Variants in UBR4 observed in about 807,000 individuals in gnomAD.
The protein encoded by UBR4 is E3 ubiquitin-protein ligase UBR4.
In UBR4, 124 loss-of-function variants were observed where a neutral mutation model predicts 575.6. The observed-to-expected ratio is 0.22, with a 90% CI of 0.19 to 0.25. The LOEUF (loss-of-function observed/expected upper bound fraction) is 0.25. Ranked by LOEUF, UBR4 falls within the 10% of genes least tolerant of loss-of-function variation. The probability of loss-of-function intolerance (pLI) is 1.00; values close to 1 mark genes in which losing one functional copy is unlikely to be tolerated. For missense variants in UBR4, 4,818 were observed against 6,478.8 expected (o/e 0.74, Z 8.80); for synonymous variants, 2,455 against 2,473.7 (o/e 0.99, Z 0.22).
In UBR4 at chr1:19,148,134, C is replaced by A. The variant is rs200274531; in HGVS notation, c.7495-7G>T. 60 of 1,601,276 alleles carry A rather than the reference C, an allele frequency of 3.7e-5. No homozygotes were observed. In the Middle Eastern group the frequency reaches 5.0e-4, roughly 13 times the overall value. The stretch of plus-strand genomic sequence containing the variant: ...CAGCATTCTTGTTTCTCTCCTAAGG[C>A]AAAAGACAGCAGGGTTATCACTAAC... On this transcript the variant is annotated splice_polypyrimidine_tract_variant and splice_region_variant and intron_variant, in intron 50 of 105. Coordinates refer to ENST00000375254, the MANE Select transcript of UBR4 (RefSeq NM_020765.3).
chr1:19,126,491 G>T lies in UBR4; in HGVS notation c.9393C>A (p.Ser3131=), dbSNP rs533746607. 1 of 1,614,078 alleles carries T rather than the reference G, an allele frequency of 6.2e-7. No homozygotes were observed. The highest frequency in any genetic ancestry group is 8.5e-7 in the Non-Finnish European group (1 of 1,180,034). The change falls in exon 64 of 106, where the codon TCC becomes TCA. Residue 3131 remains serine (S), a synonymous_variant. Transcript: ENST00000375254. ...AGAATGGGCTCATGTCAGGTGGGGA[G>T]GAGGTAGTATGTGGTTTCAGCAACT... The part of the protein sequence containing the change: ...TSQLLKPHTT[S]SPPDMSPFFL...
intron 69 of UBR4, 113 bp downstream of exon 69, chr1:19,120,067 G>A (rs1442097859): frequency 1.6e-6 from 2 of 1,267,742 alleles, no homozygotes; most frequent in African/African-American, 1.5e-5. Flanking sequence ...GAGGATTCAG[G>A]CTGGCGTAAC....
At chr1:19,161,463 A>C in intron 37 of UBR4, 126 bp downstream of exon 37, 1 of 1,308,370 alleles carries the variant, frequency 7.6e-7, no homozygotes, top group African/African-American at 1.5e-5. Flanking sequence ...CAGATCATCG[A>C]TGAGTGAGCT....
At chr1:19,135,778 G>A (rs1465744871) in intron 60 of UBR4, among the ~76,000 whole-genome samples, 1 of 151,928 alleles carries the variant, frequency 6.6e-6, no homozygotes, top group African/African-American at 2.4e-5. Context: ...CAGAAAATAA[G>A]ACAAAAAGAA....
rs975506387 is a variant in UBR4 at position 19,192,595 on chromosome 1, A to T, written c.1144-55T>A. On this transcript the variant is annotated intron_variant, in intron 9 of 105. Transcript: ENST00000375254. The stretch of plus-strand genomic sequence containing the variant: ...TGAACAAGCTGACAGATTTCATCAT[A>T]AATGCTAAATCCTACCCAAACAATT... 5.7e-6 allele frequency: 9 copies of T among 1,592,050 alleles called. No individual in the cohort carries two copies. The Admixed American group carries it at 1.0e-4, about 18-fold the overall frequency.
At position 19,117,462 on chromosome 1, in the gene UBR4, T is replaced by C. The variant is rs1393281402; in HGVS notation, c.10630-48A>G. On this transcript the variant is annotated intron_variant, in intron 72 of 105. Coordinates refer to ENST00000375254, the MANE Select transcript of UBR4 (RefSeq NM_020765.3). The surrounding 1 kb of genome is among the most constrained non-coding windows in gnomAD (Gnocchi z 4.0). The stretch of plus-strand genomic sequence containing the variant: ...CATGGTATTAGTTCAAGACTCGTAC[T>C]GCCTTTTTAAAAATTCATCAGTGTA... 2 of 1,584,748 alleles carry C rather than the reference T, an allele frequency of 1.3e-6. No homozygotes were observed. The highest frequency in any genetic ancestry group is 2.7e-5 in the African/African-American group (2 of 74,140).
At chr1:19,162,733 AAC>A in intron 34 of UBR4, 122 bp from the exon 35 acceptor site, 3 of 1,226,742 alleles carry the variant, frequency 2.4e-6, no homozygotes, top group Non-Finnish European at 3.3e-6. Flanking sequence ...AGAGAAGAAA[AAC>A]AGTGTGTTTT....
intron 1 of UBR4, among the ~76,000 whole-genome samples, chr1:19,204,766 T>C (rs1423207903): frequency 6.6e-6 from 1 of 151,902 alleles, no homozygotes; most frequent in South Asian, 2.1e-4. Context: ...CTGGGAAAAA[T>C]TGGTTTTGAA....
chr1:19,209,989 G>A, intron 1 of UBR4, 84 bp downstream of exon 1: 2 of 1,402,134 alleles, frequency 1.4e-6, no homozygotes, highest in Non-Finnish European at 1.9e-6. Context: ...GGCAGGGGGC[G>A]GCCCGGAAAG....
chr1:19,176,150 G>A (rs2151014462), intron 20 of UBR4, among the ~76,000 whole-genome samples: 1 of 150,362 alleles, frequency 6.7e-6, no homozygotes, highest in Non-Finnish European at 1.5e-5. Context: ...GTGCAGTGGT[G>A]CAATCTTAGC....
intron 14 of UBR4, 45 bp from the exon 15 acceptor site, chr1:19,185,331 A>C: frequency 6.7e-7 from 1 of 1,500,720 alleles, no homozygotes; most frequent in Admixed American, 2.4e-5. Flanking sequence ...ATTTTTTAAA[A>C]GTGTTTTTGG....
At position 19,156,896 on chromosome 1, in the gene UBR4, C is replaced by T; in HGVS notation, c.5790G>A (p.Leu1930=). The change falls in exon 41 of 106, where the codon CTG becomes CTA. Residue 1930 remains leucine, a synonymous_variant. Coordinates refer to ENST00000375254, the MANE Select transcript of UBR4 (RefSeq NM_020765.3). ...TCCTTTTGCTGGAATCTGCTTGCTT[C>T]AGGAGTGCAGAGAGCTGCAGAACGG... ...KITVLQLSAL[L]KQADSSKRKL... is the part of the protein sequence containing the mutation. The T allele has an allele frequency of 1.2e-6, 2 of 1,614,114 alleles. No homozygotes were observed. Among genetic ancestry groups the T allele is most frequent in the Non-Finnish European group, 1.7e-6 (2 of 1,179,994 alleles).
rs150747540 is a variant in UBR4 at position 19,162,583 on chromosome 1, T to A, written c.4793A>T (p.His1598Leu). The A allele has an allele frequency of 1.1e-3, 1,756 of 1,613,938 alleles. 2 individuals carry two copies. Among genetic ancestry groups the A allele is most frequent in the Non-Finnish European group, 1.4e-3 (1,650 of 1,179,942 alleles). The change falls in exon 35 of 106, where the codon CAT becomes CTT. Residue 1598 changes from histidine to leucine, a missense_variant. Physicochemically the swap from His to Leu is moderately conservative, Grantham distance 99. Transcript: ENST00000375254. ...GACATCAGCCAAGTAAGACATGATA[T>A]GGCATGTGCACTCCAAGATCATCAC... The part of the protein sequence containing the change: ...KHVMILECTC[H>L]IMSYLADVTN...
intron 61 of UBR4, 61 bp downstream of exon 61, chr1:19,128,917 G>A: frequency 6.8e-7 from 1 of 1,460,870 alleles, no homozygotes; most frequent in Non-Finnish European, 9.6e-7. Flanking sequence ...AGAGAGATGT[G>A]GGCATGCTTA....
rs1444181326 is a variant in UBR4, at chr1:19,192,306, G to T, written c.1276C>A (p.Pro426Thr). ...NSLFLILNLS[P>T]TALADKGKEK... The stretch of plus-strand genomic sequence containing the variant: ...TTCCCCTTATCAGCCAACGCAGTAG[G>T]ACTGAGGTTCAGTATGAGGAAAAGG... The change falls in exon 11 of 106, where the codon CCT becomes ACT. Residue 426 changes from proline (P) to threonine (T), a missense_variant. By Grantham distance (38) the Pro-to-Thr change is conservative. Transcript: ENST00000375254. 6.2e-7 allele frequency: 1 copy of T among 1,614,022 alleles called. No homozygotes were observed. Among genetic ancestry groups the T allele is most frequent in the Non-Finnish European group, 8.5e-7 (1 of 1,180,034 alleles).
At position 19,117,377 on chromosome 1, in the gene UBR4, T is replaced by C. The variant is rs1216723113; in HGVS notation, c.10667A>G (p.Tyr3556Cys). Reference sequence around the variant, plus strand: ...CTTCACAACCTGCTGGGTGGTGGTGTACCGCGTGTCCACTTTAATGGAAGA... The same window carrying C: ...CTTCACAACCTGCTGGGTGGTGGTGCACCGCGTGTCCACTTTAATGGAAGA... ...KLSSIKVDTR[Y>C]TTTQQVVKLI... Residue 3556 changes from tyrosine (Y) to cysteine (C), a missense_variant, in exon 73 of 106, where the codon TAC (tyrosine) becomes TGC (cysteine). By Grantham distance (194) the Tyr-to-Cys change is radical (BLOSUM62 -2). Transcript: ENST00000375254. The surrounding 1 kb of genome is among the most constrained non-coding windows in gnomAD (Gnocchi z 4.0). 12 of 1,614,054 alleles carry C rather than the reference T, an allele frequency of 7.4e-6. No homozygotes were observed. Among genetic ancestry groups the C allele is most frequent in the East Asian group, 6.7e-5 (3 of 44,898 alleles).
chr1:19,192,409 A>C, intron 10 of UBR4, 31 bp from the exon 11 acceptor site: 1 of 1,614,100 alleles, frequency 6.2e-7, no homozygotes, highest in Non-Finnish European at 8.5e-7. Context: ...TAAAAAACAT[A>C]ATCATAGAGA....
At chr1:19,087,748 G>C (rs1160175514) in intron 99 of UBR4, 68 bp downstream of exon 99, 11 of 1,305,730 alleles carry the variant, frequency 8.4e-6, no homozygotes, top group African/African-American at 1.5e-5. Context: ...CCTGGAGGAG[G>C]GGGATGCTAC....
chr1:19,105,909 G>T, intron 83 of UBR4, 67 bp from the exon 84 acceptor site: 1 of 1,292,326 alleles, frequency 7.7e-7, no homozygotes, highest in Non-Finnish European at 1.0e-6. Flanking sequence ...GCCCCCAGCA[G>T]GGCAGTCAAC....
Sources: gnomAD v4.1 joint callset for allele counts (sites outside exome capture counted in the v4.1 genomes callset) on GRCh38, gnomAD v4.1.1 for gene constraint, Gnocchi (gnomAD v3.1) non-coding constraint, MANE v1.5 for transcripts, NCBI Gene and HGNC (gene_info 2026-07-23, HGNC 2026-07-21) for gene names.